Variants in GLIS3 observed in about 807,000 individuals in gnomAD.
GLIS3 encodes the protein zinc finger protein GLIS3.
In GLIS3, 53 loss-of-function variants were observed where a neutral mutation model predicts 78.6. The observed-to-expected ratio is 0.67, with a 90% confidence interval of 0.54 to 0.85. The LOEUF is 0.85. Among genes scored for constraint, GLIS3 ranks in the 40% least tolerant of loss-of-function variants. The pLI is 0.00. For missense variants in GLIS3, 1,703 were observed against 1,231.1 expected (o/e 1.38, Z -5.74); for synonymous variants, 684 against 509.9 (o/e 1.34, Z -4.60).
rs113638895 is a variant in GLIS3 at position 4,154,170 on chromosome 9, G to A, written c.389-28229C>T. Among the ~76,000 whole-genome samples the A allele has an allele frequency of 2.8e-4, 43 of 152,322 alleles. 1 individual carries two copies. Among genetic ancestry groups the A allele is most frequent in the African/African-American group, 9.6e-4 (40 of 41,560 alleles). On this transcript the variant is annotated intron_variant, in intron 2 of 10. Coordinates refer to ENST00000381971, the MANE Select transcript of GLIS3 (RefSeq NM_001042413.2). Reference sequence around the variant, plus strand: ...GCCATTTAGAAACATGCCTCCAACAGATGTAGCATCACTTCTACTGTATGT... The same window carrying A: ...GCCATTTAGAAACATGCCTCCAACAAATGTAGCATCACTTCTACTGTATGT...
At chr9:4,220,675 G>A (rs1821253818) in intron 2 of GLIS3, among the ~76,000 whole-genome samples, 1 of 151,588 alleles carries the variant, frequency 6.6e-6, no homozygotes. Context: ...GTAGGGTTGA[G>A]CCAGGAGCCA....
intron 8 of GLIS3, among the ~76,000 whole-genome samples, chr9:3,866,261 G>C (rs1016191898): frequency 1.3e-5 from 2 of 152,160 alleles, no homozygotes; most frequent in African/African-American, 4.8e-5. Flanking sequence ...TGTAATAGAA[G>C]CAATTAGTAA....
At chr9:3,953,495 A>G (rs920807651) in intron 4 of GLIS3, among the ~76,000 whole-genome samples, 12 of 152,168 alleles carry the variant, frequency 7.9e-5, no homozygotes, top group African/African-American at 2.7e-4. Context: ...TTAATATTCA[A>G]TGATTCCCTT....
chr9:3,883,082 A>T (rs559482449), intron 7 of GLIS3, among the ~76,000 whole-genome samples: 9 of 152,132 alleles, frequency 5.9e-5, no homozygotes, highest in Admixed American at 5.9e-4. Flanking sequence ...CCCATCTCAC[A>T]TACCCTTCAA....
intron 2 of GLIS3, among the ~76,000 whole-genome samples, chr9:4,144,076 G>C (rs1834020356): frequency 6.6e-6 from 1 of 152,102 alleles, no homozygotes; most frequent in Non-Finnish European, 1.5e-5. Context: ...TGGGACGACA[G>C]GGCAAGTGGG....
chr9:4,351,206 G>T (rs950860379), upstream of GLIS3, among the ~76,000 whole-genome samples: 1 of 152,044 alleles, frequency 6.6e-6, no homozygotes, highest in Admixed American at 6.5e-5. Flanking sequence ...TCAGGCCACT[G>T]CACTCCAGCC....
At chr9:4,471,534 G>T in the GLIS3 span, among the ~76,000 whole-genome samples, 1 of 152,140 alleles carries the variant, frequency 6.6e-6, no homozygotes, top group Admixed American at 6.5e-5. Context: ...AAATGGTGCT[G>T]GGAAAACTGG....
intron 2 of GLIS3, among the ~76,000 whole-genome samples, chr9:4,231,535 G>A (rs1323932226): frequency 6.6e-6 from 1 of 152,088 alleles, no homozygotes; most frequent in Non-Finnish European, 1.5e-5. Flanking sequence ...AGCATGAGCA[G>A]GAGAAAGATA....
intron 4 of GLIS3, among the ~76,000 whole-genome samples, chr9:4,014,732 G>A (rs1008293817): frequency 6.6e-6 from 1 of 152,138 alleles, no homozygotes. Context: ...ACTTTGTTAG[G>A]GCAGCCACAG....
At chr9:4,257,328 G>C (rs1825053720) in intron 2 of GLIS3, among the ~76,000 whole-genome samples, 1 of 152,066 alleles carries the variant, frequency 6.6e-6, no homozygotes, top group Non-Finnish European at 1.5e-5. Flanking sequence ...TAGATGAGTG[G>C]GGTGGGGATG....
the GLIS3 span, among the ~76,000 whole-genome samples, chr9:4,443,984 C>T: frequency 3.3e-5 from 5 of 152,144 alleles, no homozygotes; most frequent in Non-Finnish European, 7.4e-5. Flanking sequence ...ACAATACAGT[C>T]AAAGTCTCAG....
At chr9:4,256,306 G>C (rs1824934180) in intron 2 of GLIS3, among the ~76,000 whole-genome samples, 1 of 152,102 alleles carries the variant, frequency 6.6e-6, no homozygotes, top group African/African-American at 2.4e-5. Flanking sequence ...ATTAGTGATG[G>C]TTTTACATTA....
At chr9:4,321,228 G>A (rs558981074) in intron 2 of GLIS3, among the ~76,000 whole-genome samples, 3 of 143,832 alleles carry the variant, frequency 2.1e-5, no homozygotes, top group Admixed American at 1.4e-4. Flanking sequence ...AGACCATCCT[G>A]GCTAACACGG....
At chr9:4,480,007 G>A in the GLIS3 span, among the ~76,000 whole-genome samples, 3 of 142,738 alleles carry the variant, frequency 2.1e-5, no homozygotes, top group Non-Finnish European at 3.0e-5. Flanking sequence ...CGCCCACCTT[G>A]GCCTCCCAAA....
intron 3 of GLIS3, among the ~76,000 whole-genome samples, chr9:4,309,626 A>T (rs759809773): frequency 6.6e-6 from 1 of 152,238 alleles, no homozygotes; most frequent in Non-Finnish European, 1.5e-5. Context: ...AGTCAGGCCC[A>T]GTCTACATTT....
intron 2 of GLIS3, among the ~76,000 whole-genome samples, chr9:4,196,774 G>C (rs764513845): frequency 9.6e-4 from 146 of 152,296 alleles, no homozygotes; most frequent in Non-Finnish European, 1.8e-3. Context: ...AAGTCAGTGA[G>C]ACCAAGAACC....
At chr9:4,056,898 C>CTTTTT (rs34752011) in intron 4 of GLIS3, among the ~76,000 whole-genome samples, 1 of 98,058 alleles carries the variant, frequency 1.0e-5, no homozygotes, top group East Asian at 3.1e-4. Context: ...CTTCAAGACA[C>CTTTTT]TTTTTTTTTT....
At chr9:4,204,514 G>C (rs770353588) in intron 2 of GLIS3, among the ~76,000 whole-genome samples, 5 of 152,136 alleles carry the variant, frequency 3.3e-5, no homozygotes, top group Non-Finnish European at 7.3e-5. Flanking sequence ...AGCAGAGTAA[G>C]AGGAGCCCAC....
At chr9:4,187,716 C>G (rs565394796) in intron 2 of GLIS3, among the ~76,000 whole-genome samples, 3 of 152,256 alleles carry the variant, frequency 2.0e-5, no homozygotes, top group African/African-American at 4.8e-5. Flanking sequence ...TTTCACATCC[C>G]TTGTAAGTTG....
Sources: allele counts gnomAD v4.1 joint callset (sites outside exome capture counted in the v4.1 genomes callset), GRCh38; gene constraint gnomAD v4.1.1; transcripts MANE v1.5; gene names NCBI Gene and HGNC (gene_info 2026-07-23, HGNC 2026-07-21).